The following NDRG2 variants were observed in gnomAD, a reference collection of about 807,000 sequenced individuals.
NDRG2 encodes protein NDRG2.
Under a neutral mutation model 58.2 loss-of-function variants are expected in NDRG2, and 34 were observed. The ratio of observed to expected loss-of-function variants is 0.58; its 90% CI spans 0.44 to 0.78. The LOEUF (loss-of-function observed/expected upper bound fraction) is 0.78, where lower values mean the gene tolerates loss of function less well. Ranked by LOEUF, NDRG2 falls within the 30% of genes least tolerant of loss-of-function variation. The pLI is 0.00. For synonymous variants in NDRG2, 187 were observed against 175.9 expected (o/e 1.06, Z -0.50); for missense variants, 434 against 471.2 (o/e 0.92, Z 0.73).
chr14:21,031,186 C>A (rs758500552), intron 1 of NDRG2: 25 of 1,609,900 alleles, frequency 1.6e-5, no homozygotes, highest in Non-Finnish European at 2.0e-5. Context: ...GCCTTCATCC[C>A]CTTGACCCTA....
At chr14:21,043,378 C>G in intron 1 of NDRG2, 1 of 1,614,164 alleles carries the variant, frequency 6.2e-7, no homozygotes, top group Non-Finnish European at 8.5e-7. Flanking sequence ...CAGAACAAGT[C>G]TTACGTAGTG....
intron 1 of NDRG2, among the ~76,000 whole-genome samples, chr14:21,053,861 CG>C (rs1885569661): frequency 6.6e-6 from 1 of 152,144 alleles, no homozygotes. Context: ...TCAATGAACT[CG>C]GAAGTGCCTT....
At chr14:21,019,304 G>A in intron 10 of NDRG2, 144 bp from the exon 11 acceptor site, 2 of 782,254 alleles carry the variant, frequency 2.6e-6, no homozygotes, top group Non-Finnish European at 4.1e-6. Context: ...AAAGGAGAAA[G>A]GGGCAGGCAG....
rs1886628637 is a variant in NDRG2 at position 21,070,434 on chromosome 14, G to A, written c.24+394C>T. On this transcript the variant is annotated intron_variant, in intron 1 of 14. Coordinates refer to the NDRG2 transcript ENST00000403829. The surrounding 1 kb of genome is among the most constrained non-coding windows in gnomAD (Gnocchi z 4.7). ...GCGTCGCAGCCCCCTGGGTCCCCTC[G>A]GCCTTCGCGCAGCCCGCTCCGGGCC... 1 of 1,392,074 alleles carries A rather than the reference G, an allele frequency of 7.2e-7. No homozygotes were observed. The highest frequency in any genetic ancestry group is 1.5e-5 in the African/African-American group (1 of 65,952). The allele number at this position is 1,392,074 out of a possible 1,614,324, so 86.2% of individuals were successfully genotyped here.
At chr14:21,029,325 A>T (rs1469760292), upstream of NDRG2, 1 of 152,230 alleles carries the variant, frequency 6.6e-6, no homozygotes, top group Non-Finnish European at 1.5e-5. Context: ...TCCCGGCTGG[A>T]CGCAGTGGGT....
rs374336364 is a variant in NDRG2, at chr14:21,031,065, A to T, written c.25-7744T>A. ...CAACAGTTCAAAGAGGCAGTGAAGG[A>T]ACTGGGCCAGAAGCGCTTCAAAGGG... On this transcript the variant is annotated intron_variant, in intron 1 of 14. Coordinates refer to the NDRG2 transcript ENST00000403829. 24 of 1,614,180 alleles carry T rather than the reference A, an allele frequency of 1.5e-5. No individual in the cohort carries two copies. Among genetic ancestry groups the T allele is most frequent in the East Asian group, 6.7e-5 (3 of 44,884 alleles).
Position 21,017,140 on chromosome 14 carries a change from A to C in NDRG2, c.*456T>G. ...CCCTGACACACATTCACGTAGGTCC[A>C]TACCCTTCAGAGTCCTAAAGGGTTA... On this transcript the variant is annotated 3_prime_UTR_variant, in exon 16 of 16. Coordinates refer to ENST00000556147, the MANE Select transcript of NDRG2 (RefSeq NM_001320329.2). 1 of 402,402 alleles carries C rather than the reference A, an allele frequency of 2.5e-6. No individual in the cohort carries two copies. The highest frequency in any genetic ancestry group is 1.8e-5 in the South Asian group (1 of 55,528). The allele number at this position is 402,402 out of a possible 1,614,324, so 24.9% of individuals were successfully genotyped here. A position where few individuals can be genotyped will look rare whatever the true frequency, so the allele number is the denominator to read the frequency against.
In NDRG2 at chr14:21,018,443, A is replaced by C. The variant is rs1400604319; in HGVS notation, c.861+14T>G. 6.2e-7 allele frequency: 1 copy of C among 1,613,676 alleles called. No homozygotes were observed. The highest frequency in any genetic ancestry group is 1.3e-5 in the African/African-American group (1 of 74,886). ...ATATGACTGTGGACGGGGGCCCAGG[A>C]ACAGGTTACTGACCTTGAGGAACGA... is the stretch of plus-strand genomic sequence containing the variant. On this transcript the variant is annotated intron_variant, in intron 13 of 15. Transcript: ENST00000556147.
chr14:21,030,977 C>G, intron 1 of NDRG2: 1 of 1,579,500 alleles, frequency 6.3e-7, no homozygotes, highest in Non-Finnish European at 8.6e-7. Flanking sequence ...TGCATTCATG[C>G]TCCAAAGTTT....
chr14:21,063,727 T>C (rs1433502748), intron 1 of NDRG2, among the ~76,000 whole-genome samples: 1 of 152,180 alleles, frequency 6.6e-6, no homozygotes, highest in African/African-American at 2.4e-5. Flanking sequence ...GGTTATGTCT[T>C]AATAAATGTT....
chr14:21,040,909 T>C (rs1469499953), intron 1 of NDRG2, among the ~76,000 whole-genome samples: 1 of 152,236 alleles, frequency 6.6e-6, no homozygotes, highest in African/African-American at 2.4e-5. Context: ...TATACGTATT[T>C]TTTTTTACTG....
At position 21,017,201 on chromosome 14, in the gene NDRG2, C is replaced by A. The variant is rs1215796950; in HGVS notation, c.*395G>T. On this transcript the variant is annotated 3_prime_UTR_variant, in exon 16 of 16. Coordinates refer to ENST00000556147, the MANE Select transcript of NDRG2 (RefSeq NM_001320329.2). The stretch of plus-strand genomic sequence containing the variant: ...ACCTCAGCTTTGGTGAATGGAGCCC[C>A]AGCCCCAAATCCCCTCCCCTTGCAA... 5.5e-6 allele frequency: 2 copies of A among 365,150 alleles called. No individual in the cohort carries two copies. Among genetic ancestry groups the A allele is most frequent in the Non-Finnish European group, 1.1e-5 (2 of 184,876 alleles). 22.6% of individuals were successfully genotyped at this position (365,150 alleles called of 1,614,324 possible).
intron 1 of NDRG2, chr14:21,058,298 C>T (rs990618659): frequency 6.2e-7 from 1 of 1,614,064 alleles, no homozygotes. Flanking sequence ...CTGTGACCCT[C>T]CACAACAGGG....
chr14:21,070,588 G>T lies in NDRG2; in HGVS notation c.24+240C>A, dbSNP rs1230260834. Reference sequence around the variant, plus strand: ...CGACTGTTTAGCTCTGTCCCCACCGGGTATTGCCCTCACCCTTTCTTCCTC... The same window carrying T: ...CGACTGTTTAGCTCTGTCCCCACCGTGTATTGCCCTCACCCTTTCTTCCTC... On this transcript the variant is annotated intron_variant, in intron 1 of 14. Transcript: ENST00000403829. This position sits in a 1 kb window ranked among gnomAD's most constrained non-coding sequence, Gnocchi z 4.7. Among the ~76,000 whole-genome samples, 4 of 151,878 alleles carry T rather than the reference G, an allele frequency of 2.6e-5. No homozygotes were observed. The highest frequency in any genetic ancestry group is 6.6e-5 in the Admixed American group (1 of 15,262).
intron 1 of NDRG2, among the ~76,000 whole-genome samples, chr14:21,055,558 C>G (rs1001067222): frequency 6.6e-6 from 1 of 152,194 alleles, no homozygotes; most frequent in Admixed American, 6.5e-5. Context: ...AAAGGAACCC[C>G]ATTCCCAGGC....
At chr14:21,036,295 C>G (rs1884623043) in intron 1 of NDRG2, 1 of 455,958 alleles carries the variant, frequency 2.2e-6, no homozygotes, top group East Asian at 6.9e-5. Flanking sequence ...GTGATCCCTT[C>G]TTTCGTCTAA....
At chr14:21,026,136 ACACACACACGCACACG>A (rs770518766), upstream of NDRG2, among the ~76,000 whole-genome samples, 96 of 152,056 alleles carry the variant, frequency 6.3e-4, no homozygotes, top group Non-Finnish European at 1.0e-3. Context: ...TGTAGACTTT[ACACACACACGCACACG>A]CACACACACA....
At chr14:21,017,942 G>A (rs1877709176) in intron 15 of NDRG2, 45 bp downstream of exon 15, 9 of 1,613,976 alleles carry the variant, frequency 5.6e-6, no homozygotes, top group Non-Finnish European at 7.6e-6. Flanking sequence ...CCCCGTCAGT[G>A]CCTATCTCTC....
chr14:21,031,170 G>T (rs1852755430), intron 1 of NDRG2: 1 of 1,612,922 alleles, frequency 6.2e-7, no homozygotes, highest in Non-Finnish European at 8.5e-7. Flanking sequence ...GCTACTGTGA[G>T]TGACAGCCTT....
Sources: gnomAD v4.1 joint callset for allele counts (sites outside exome capture counted in the v4.1 genomes callset) on GRCh38, gnomAD v4.1.1 for gene constraint, Gnocchi (gnomAD v3.1) non-coding constraint, MANE v1.5 for transcripts, NCBI Gene and HGNC (gene_info 2026-07-23, HGNC 2026-07-21) for gene names.